GDAP2: variants seen among roughly 807,000 people sequenced by gnomAD.
GDAP2 encodes the protein ganglioside-induced differentiation-associated protein 2.
Under a neutral mutation model 67.0 loss-of-function variants are expected in GDAP2, and 51 were observed. The observed-to-expected ratio is 0.76, with a 90% confidence interval of 0.61 to 0.96. GDAP2 has a LOEUF of 0.96. GDAP2 is among the 40% of genes least tolerant of loss of function. The pLI, the probability that GDAP2 is intolerant of heterozygous loss-of-function variation, is 0.00. For synonymous variants in GDAP2, 203 were observed against 207.3 expected, an observed-to-expected ratio of 0.98 and a Z score of 0.18; for missense variants, 547 against 588.3, an observed-to-expected ratio of 0.93 and a Z score of 0.73.
rs1441862920 is a variant in GDAP2, at chr1:117,870,513, G to C, written c.*56C>G. The C allele has an allele frequency of 2.9e-6, 3 of 1,022,118 alleles. No individual in the cohort carries two copies. The highest frequency in any genetic ancestry group is 3.2e-5 in the African/African-American group (2 of 63,444). 63.3% of individuals were successfully genotyped at this position (1,022,118 alleles called of 1,614,324 possible). On this transcript the variant is annotated 3_prime_UTR_variant, in exon 14 of 14. Coordinates refer to ENST00000369443, the MANE Select transcript of GDAP2 (RefSeq NM_017686.4). ...ACAATGAATATCACTTCAACAGGTA[G>C]CTATTCGTGGAGGAAGTGGCATCCT...
chr1:117,909,375 C>T (rs1409295872), intron 5 of GDAP2, among the ~76,000 whole-genome samples: 1 of 151,640 alleles, frequency 6.6e-6, no homozygotes, highest in Non-Finnish European at 1.5e-5. Flanking sequence ...AAACAAACTG[C>T]ACATGAACTA....
chr1:117,870,643 A>G (rs1285388448), intron 13 of GDAP2, 27 bp from the exon 14 acceptor site: 2 of 1,466,390 alleles, frequency 1.4e-6, no homozygotes, highest in Non-Finnish European at 9.6e-7. Context: ...GGAGAAGAAC[A>G]TTTAAGTAAC....
chr1:117,897,558 T>C (rs1005264602), intron 7 of GDAP2, among the ~76,000 whole-genome samples: 3 of 152,238 alleles, frequency 2.0e-5, no homozygotes, highest in Non-Finnish European at 2.9e-5. Flanking sequence ...ATAAGAGTTA[T>C]AGTTTTCACT....
chr1:117,886,690 C>A (rs764207111), intron 9 of GDAP2, 37 bp from the exon 10 acceptor site: 16 of 1,023,840 alleles, frequency 1.6e-5, no homozygotes, highest in Non-Finnish European at 1.9e-5. Flanking sequence ...CCAGAAACTT[C>A]ATTCCAAGAA....
intron 8 of GDAP2, among the ~76,000 whole-genome samples, chr1:117,890,184 G>A (rs572993026): frequency 2.3e-4 from 35 of 152,140 alleles, no homozygotes; most frequent in Middle Eastern, 6.8e-3. Context: ...TGGTGGTGGG[G>A]AAGGAGGTGG....
Position 117,912,553 on chromosome 1 carries a change from G to A in GDAP2, c.447C>T (p.Tyr149=). The change falls in exon 4 of 14, where the codon TAC becomes TAT. Residue 149 remains tyrosine, a synonymous_variant. Coordinates refer to ENST00000369443, the MANE Select transcript of GDAP2 (RefSeq NM_017686.4). ...TAAESSLYSC[Y]RNVLQLAKEQ... is the part of the protein sequence containing the mutation. ...ACTTTGCTAGTTGAAGTACGTTTCT[G>A]TAGCAGCTATAAAGGGAACTCTCAG... 6.2e-7 allele frequency: 1 copy of A among 1,613,434 alleles called. No homozygotes were observed.
rs369567631 is a variant in GDAP2 at position 117,877,782 on chromosome 1, G to A, written c.1446+227C>T. 1.4e-5 allele frequency: 17 copies of A among 1,244,580 alleles called. No homozygotes were observed. In the South Asian group the frequency reaches 3.4e-4, roughly 25 times the overall value. The allele number at this position is 1,244,580 out of a possible 1,614,324, so 77.1% of individuals were successfully genotyped here. A position where few individuals can be genotyped will look rare whatever the true frequency, so the allele number is the denominator to read the frequency against. ...AAATTGGTTCTGAACTCACAGCAGA[G>A]AGATCTCCCACTGAAACGTTTATCT... On this transcript the variant is annotated intron_variant, in intron 13 of 13. Transcript: ENST00000369443.
chr1:117,881,871 C>T lies in GDAP2; in HGVS notation c.1254G>A (p.Lys418=), dbSNP rs1038668684. 3 of 1,557,760 alleles carry T rather than the reference C, an allele frequency of 1.9e-6. No homozygotes were observed. In the Admixed American group the frequency reaches 5.0e-5, roughly 26 times the overall value. The change falls in exon 12 of 14, where the codon AAG becomes AAA. Residue 418 remains lysine (K), a synonymous_variant. Transcript: ENST00000369443. The stretch of plus-strand genomic sequence containing the variant: ...CAAAATAAACAGCCTTCAAATTCCT[C>T]TTGTACCTGATCCAAAAATAAAATG... ...KLYDVVDVKY[K]RNLKAVYFVH...
At chr1:117,871,505 G>C (rs1033427664) in intron 13 of GDAP2, among the ~76,000 whole-genome samples, 1 of 152,242 alleles carries the variant, frequency 6.6e-6, no homozygotes, top group African/African-American at 2.4e-5. Flanking sequence ...TTGAAATGAA[G>C]AATAAGTAGA....
chr1:117,906,385 A>G, intron 6 of GDAP2, 121 bp downstream of exon 6: 1 of 625,404 alleles, frequency 1.6e-6, no homozygotes, highest in Non-Finnish European at 2.8e-6. Context: ...CCACTGTCAA[A>G]TACATACATA....
At chr1:117,918,797 TAATTA>T in intron 2 of GDAP2, 61 bp from the exon 3 acceptor site, 7 of 1,319,816 alleles carry the variant, frequency 5.3e-6, no homozygotes, top group Non-Finnish European at 7.5e-6. Flanking sequence ...ACCTAGTTTC[TAATTA>T]TTTCAAAACA....
chr1:117,920,402 T>C lies in GDAP2; in HGVS notation c.-45A>G. On this transcript the variant is annotated 5_prime_UTR_variant, in exon 2 of 14. An upstream open reading frame in the 5' UTR loses its in-frame stop. Transcript: ENST00000369443. ...GTCTTTTCCCAAAATCCTCAGCAAT[T>C]CAATATTCACTGGAGACTTTAGCTT... The C allele has an allele frequency of 3.2e-6, 4 of 1,262,444 alleles. No individual in the cohort carries two copies. The South Asian group carries it at 5.4e-5, about 17-fold the overall frequency. 78.2% of individuals were successfully genotyped at this position (1,262,444 alleles called of 1,614,324 possible).
intron 13 of GDAP2, chr1:117,877,527 CAAT>C (rs772778840): frequency 1.3e-5 from 13 of 973,964 alleles, no homozygotes; most frequent in Admixed American, 6.2e-5. Context: ...TAAATAACAA[CAAT>C]AATATTATCA....
chr1:117,878,230 G>A, intron 12 of GDAP2, 78 bp from the exon 13 acceptor site: 3 of 697,916 alleles, frequency 4.3e-6, no homozygotes, highest in Non-Finnish European at 7.1e-6. Flanking sequence ...AAAATTTATA[G>A]TAGATAAAAA....
At chr1:117,889,660 A>G (rs1319278500) in intron 8 of GDAP2, among the ~76,000 whole-genome samples, 1 of 152,152 alleles carries the variant, frequency 6.6e-6, no homozygotes, top group East Asian at 1.9e-4. Flanking sequence ...AATAGCAACA[A>G]TAATTTGTTA....
intron 8 of GDAP2, among the ~76,000 whole-genome samples, chr1:117,893,620 GC>G (rs911074186): frequency 6.6e-6 from 1 of 152,130 alleles, no homozygotes; most frequent in Middle Eastern, 3.2e-3. Context: ...GAAAATAAAA[GC>G]CCGATTTAGA....
intron 1 of GDAP2, among the ~76,000 whole-genome samples, chr1:117,924,329 T>TGC (rs1650366732): frequency 6.6e-6 from 1 of 152,186 alleles, no homozygotes; most frequent in Non-Finnish European, 1.5e-5. Flanking sequence ...TTCCCTTCTT[T>TGC]GTGTCCACGT....
intron 3 of GDAP2, among the ~76,000 whole-genome samples, chr1:117,914,350 G>C (rs1557808555): frequency 6.6e-6 from 1 of 152,076 alleles, no homozygotes; most frequent in African/African-American, 2.4e-5. Context: ...TATGACAGCA[G>C]AAATGAAAAG....
chr1:117,897,250 G>A (rs764554781), intron 7 of GDAP2, among the ~76,000 whole-genome samples: 1 of 152,218 alleles, frequency 6.6e-6, no homozygotes, highest in Admixed American at 6.5e-5. Flanking sequence ...GAAGAAAAGA[G>A]TAGAATGTAG....
Sources: gnomAD v4.1 joint callset for allele counts (sites outside exome capture counted in the v4.1 genomes callset) on GRCh38, gnomAD v4.1.1 for gene constraint, MANE v1.5 for transcripts, NCBI Gene and HGNC (gene_info 2026-07-23, HGNC 2026-07-21) for gene names.